Variants in FREM1 observed in about 807,000 individuals in gnomAD.
FREM1 encodes FRAS1-related extracellular matrix protein 1.
Under a neutral mutation model 210.1 loss-of-function variants are expected in FREM1, and 220 were observed. The observed-to-expected ratio is 1.05, with a 90% CI of 0.94 to 1.17. The LOEUF (loss-of-function observed/expected upper bound fraction) is 1.17. Among genes scored for constraint, FREM1 ranks in the 50% most tolerant of loss-of-function variants. The pLI, the probability that FREM1 is intolerant of heterozygous loss-of-function variation, is 0.00. For synonymous variants in FREM1, 1,189 were observed against 980.2 expected, an observed-to-expected ratio of 1.21 and a Z score of -3.98; for missense variants, 3,454 against 2,675.5, an observed-to-expected ratio of 1.29 and a Z score of -6.42.
chr9:14,834,035 G>C (rs1213289452), intron 10 of FREM1, among the ~76,000 whole-genome samples: 1 of 152,222 alleles, frequency 6.6e-6, no homozygotes, highest in Non-Finnish European at 1.5e-5. Flanking sequence ...GTTTTGCATT[G>C]TGTTATCTGA....
chr9:14,898,096 G>A (rs1196757653), intron 1 of FREM1, among the ~76,000 whole-genome samples: 1 of 152,226 alleles, frequency 6.6e-6, no homozygotes, highest in Non-Finnish European at 1.5e-5. Context: ...TGGAGAGGAA[G>A]TGATAGAAAA....
At chr9:14,782,369 T>C (rs10810237) in intron 24 of FREM1, 153,361 of 977,440 alleles carry the variant, frequency 0.16, 12,971 homozygotes, top group East Asian at 0.25. Flanking sequence ...GATTAATATC[T>C]AACCTTCATT....
rs759076615 is a variant in FREM1 at position 14,805,001 on chromosome 9, G to A, written c.3426C>T (p.Asn1142=). The change falls in exon 19 of 37, where the codon AAC becomes AAT. Residue 1142 remains asparagine, a synonymous_variant. Transcript: ENST00000380880. ...SLEIPFSIII[N]PTNDEAPDFV... is the part of the protein sequence containing the mutation. Reference sequence around the variant, plus strand: ...AGTCAGGAGCTTCATCATTTGTGGGGTTGATTATAATAGAAAATGGTATCT... The same window carrying A: ...AGTCAGGAGCTTCATCATTTGTGGGATTGATTATAATAGAAAATGGTATCT... 4 of 1,613,626 alleles carry A rather than the reference G, an allele frequency of 2.5e-6. No homozygotes were observed. Among genetic ancestry groups the A allele is most frequent in the South Asian group, 2.2e-5 (2 of 91,056 alleles).
At chr9:14,766,400 C>G (rs57158610) in intron 27 of FREM1, among the ~76,000 whole-genome samples, 1 of 152,074 alleles carries the variant, frequency 6.6e-6, no homozygotes, top group Admixed American at 6.6e-5. Flanking sequence ...AGAGGTGATT[C>G]TATAGCCCAG....
Position 14,806,827 on chromosome 9 carries a change from A to G in FREM1, c.3108T>C (p.Asp1036=). 6.2e-7 allele frequency: 1 copy of G among 1,602,410 alleles called. No homozygotes were observed. Among genetic ancestry groups the G allele is most frequent in the Middle Eastern group, 1.7e-4 (1 of 6,034 alleles). Residue 1036 remains aspartate (D), a synonymous_variant, in exon 18 of 37, where the codon GAT becomes GAC. Coordinates refer to ENST00000380880, the MANE Select transcript of FREM1 (RefSeq NM_001379081.2). The stretch of plus-strand genomic sequence containing the variant: ...CAGTAAGGGCTGTTGAGCAGCCCTC[A>G]TCTACAACAAACACGGGACCTGCAT... ...SIAIGPVFVV[D]EGCSTALTVN...
chr9:14,819,131 T>C (rs1820820979), intron 14 of FREM1, 103 bp downstream of exon 14: 1 of 720,834 alleles, frequency 1.4e-6, no homozygotes, highest in Non-Finnish European at 2.2e-6. Context: ...CATGTTGGTA[T>C]CCTTTAAGAA....
intron 1 of FREM1, among the ~76,000 whole-genome samples, chr9:14,887,742 A>C (rs533191317): frequency 1.0e-3 from 157 of 152,226 alleles, no homozygotes; most frequent in Admixed American, 1.6e-3. Flanking sequence ...ACTGGGCTAC[A>C]TTCTTCCTAT....
intron 16 of FREM1, among the ~76,000 whole-genome samples, chr9:14,812,414 G>T (rs75255312): frequency 0.031 from 4,722 of 152,144 alleles, 218 homozygotes; most frequent in African/African-American, 0.11. Flanking sequence ...TAGGAGCTAG[G>T]TGGTGATCAG....
At chr9:14,905,006 C>G (rs1000700632) in intron 1 of FREM1, among the ~76,000 whole-genome samples, 4 of 152,258 alleles carry the variant, frequency 2.6e-5, no homozygotes, top group Non-Finnish European at 5.9e-5. Flanking sequence ...ATCTCCCAAA[C>G]CAGTTTTATC....
At chr9:14,776,304 G>C (rs1174813617) in intron 24 of FREM1, 101 bp from the exon 25 acceptor site, 7 of 1,301,050 alleles carry the variant, frequency 5.4e-6, no homozygotes, top group Non-Finnish European at 7.1e-6. Context: ...GGGTATTGTC[G>C]TGTTGTGACT....
At chr9:14,788,392 C>T (rs1358416088) in intron 23 of FREM1, among the ~76,000 whole-genome samples, 7 of 152,166 alleles carry the variant, frequency 4.6e-5, no homozygotes, top group Non-Finnish European at 1.0e-4. Context: ...AGTGTCTTTC[C>T]TTGTCCCTAA....
chr9:14,763,210 C>T (rs547919298), intron 27 of FREM1, among the ~76,000 whole-genome samples: 29 of 152,246 alleles, frequency 1.9e-4, no homozygotes, highest in African/African-American at 5.5e-4. Flanking sequence ...TTCTTTGTTG[C>T]GGGAGGCTGT....
Position 14,861,108 on chromosome 9 carries a change from CACATATATATACATATAT to C in FREM1, c.330-1642_330-1625del, listed in dbSNP as rs1338078389. ...ATACACATATATATAAACATATATA[CACATATATATACATATAT>C]ACACATATATACATATATACACATA... is the stretch of plus-strand genomic sequence containing the variant. On this transcript the variant is annotated intron_variant, in intron 3 of 36. Coordinates refer to ENST00000380880, the MANE Select transcript of FREM1 (RefSeq NM_001379081.2). Among the ~76,000 whole-genome samples, 2 of 101,420 alleles carry C rather than the reference CACATATATATACATATAT, an allele frequency of 2.0e-5. 1 individual carries two copies. The highest frequency in any genetic ancestry group is 3.5e-5 in the Non-Finnish European group (2 of 57,078). The allele number at this position is 101,420 out of a possible 152,430, so 66.5% of individuals were successfully genotyped here.
At chr9:14,845,209 A>G (rs1426123693) in intron 8 of FREM1, among the ~76,000 whole-genome samples, 1 of 152,252 alleles carries the variant, frequency 6.6e-6, no homozygotes, top group Non-Finnish European at 1.5e-5. Context: ...ATCATCCCAT[A>G]GAATTATAAA....
chr9:14,785,983 C>G (rs75739545), intron 23 of FREM1, among the ~76,000 whole-genome samples: 4,176 of 152,074 alleles, frequency 0.027, 93 homozygotes, highest in Non-Finnish European at 0.037. Flanking sequence ...CACACATGGA[C>G]CAATGATGCA....
intron 36 of FREM1, 54 bp from the exon 37 acceptor site, chr9:14,737,649 T>A: frequency 7.5e-7 from 1 of 1,337,226 alleles, no homozygotes; most frequent in Non-Finnish European, 9.9e-7. Context: ...TATACTTAGA[T>A]ATCATATCCA....
chr9:14,773,280 G>A (rs1403599321), intron 25 of FREM1, among the ~76,000 whole-genome samples: 8 of 152,192 alleles, frequency 5.3e-5, no homozygotes, highest in Admixed American at 4.6e-4. Context: ...ATGAATGTCA[G>A]GTTGTGCCTG....
rs1185699561 is a variant in FREM1, at chr9:14,861,206, CATATACATATATACACATAT to C, written c.330-1742_330-1723del. 8.8e-5 allele frequency among the ~76,000 whole-genome samples: 6 copies of C among 68,274 alleles called. 1 individual carries two copies. In the Admixed American group the frequency reaches 1.1e-3, roughly 13 times the overall value. The allele number at this position is 68,274 out of a possible 152,430, so 44.8% of individuals were successfully genotyped here. ...ATACACATATATACATATATACACA[CATATACATATATACACATAT>C]ATACACATATATACACACATATATA... On this transcript the variant is annotated intron_variant, in intron 3 of 36. Transcript: ENST00000380880.
chr9:14,823,916 T>C lies in FREM1; in HGVS notation c.2169+109A>G, dbSNP rs7861952. On this transcript the variant is annotated intron_variant, in intron 12 of 36. Coordinates refer to ENST00000380880, the MANE Select transcript of FREM1 (RefSeq NM_001379081.2). ...AAGTAGCAAGTATAAAGATGTCAAG[T>C]CTTTGTGGATGTCAAAGACCAACAT... is the stretch of plus-strand genomic sequence containing the variant. 8,098 of 530,366 alleles carry C rather than the reference T, an allele frequency of 0.015. 506 individuals carry two copies. Among genetic ancestry groups the C allele is most frequent in the African/African-American group, 0.14 (7,242 of 51,954 alleles). The allele number at this position is 530,366 out of a possible 1,614,324, so 32.9% of individuals were successfully genotyped here.
Sources: gnomAD v4.1 joint callset for allele counts (sites outside exome capture counted in the v4.1 genomes callset) on GRCh38, gnomAD v4.1.1 for gene constraint, MANE v1.5 for transcripts, NCBI Gene and HGNC (gene_info 2026-07-23, HGNC 2026-07-21) for gene names.